FLT3: variants seen among roughly 807,000 people sequenced by gnomAD.
FLT3 encodes receptor-type tyrosine-protein kinase FLT3.
A neutral mutation model predicts 126.6 loss-of-function variants in FLT3; 46 were observed. That is an observed-to-expected ratio of 0.36 (90% CI 0.29 to 0.46). FLT3 has a LOEUF of 0.46. FLT3 is among the 20% of genes least tolerant of loss of function. The pLI is 1.00. For missense variants in FLT3, 1,069 were observed against 1,190.3 expected (o/e 0.90, Z 1.50); for synonymous variants, 404 against 434.4 (o/e 0.93, Z 0.87).
intron 4 of FLT3, among the ~76,000 whole-genome samples, chr13:28,054,126 A>G (rs554978763): frequency 1.3e-5 from 2 of 152,204 alleles, no homozygotes; most frequent in South Asian, 4.1e-4. Context: ...GCTGGTCTAC[A>G]TGGTATGAGC....
intron 15 of FLT3, among the ~76,000 whole-genome samples, chr13:28,028,712 A>T (rs933388676): frequency 6.6e-6 from 1 of 152,006 alleles, no homozygotes. Flanking sequence ...TAAATAAATA[A>T]ATAAACAAAC....
At chr13:28,094,487 A>G (rs1360117250) in intron 1 of FLT3, among the ~76,000 whole-genome samples, 1 of 152,052 alleles carries the variant, frequency 6.6e-6, no homozygotes, top group Admixed American at 6.6e-5. Context: ...TGCACTTTAT[A>G]TATTTTTTTC....
chr13:28,076,976 GAGGA>G (rs1259863642), intron 1 of FLT3, among the ~76,000 whole-genome samples: 7 of 121,870 alleles, frequency 5.7e-5, no homozygotes, highest in South Asian at 3.2e-4. Flanking sequence ...GGAAGGGAGG[GAGGA>G]AGGGAGGGAA....
At chr13:28,068,523 A>G (rs1045584309) in intron 2 of FLT3, among the ~76,000 whole-genome samples, 2 of 150,612 alleles carry the variant, frequency 1.3e-5, no homozygotes, top group Non-Finnish European at 3.0e-5. Flanking sequence ...AAAATCTATG[A>G]TATATATCAT....
chr13:28,050,362 C>G, intron 5 of FLT3, 140 bp from the exon 6 acceptor site: 1 of 751,474 alleles, frequency 1.3e-6, no homozygotes, highest in Non-Finnish European at 2.1e-6. Flanking sequence ...AAGCCCATAT[C>G]TATGGTTTCA....
chr13:28,100,358 G>A lies in FLT3; in HGVS notation c.43+110C>T. On this transcript the variant is annotated intron_variant, in intron 1 of 23. Coordinates refer to ENST00000241453, the MANE Select transcript of FLT3 (RefSeq NM_004119.3). This position sits in a 1 kb window ranked among gnomAD's most constrained non-coding sequence, Gnocchi z 4.8. Reference sequence around the variant, plus strand: ...GCGGGAGGCAATGGAAGGAGCGAGCGCGGGGAGGAGCGAGGCGGCTGGGCC... The same window carrying A: ...GCGGGAGGCAATGGAAGGAGCGAGCACGGGGAGGAGCGAGGCGGCTGGGCC... 1.4e-6 allele frequency: 1 copy of A among 731,910 alleles called. No homozygotes were observed. Among genetic ancestry groups the A allele is most frequent in the Middle Eastern group, 4.7e-4 (1 of 2,132 alleles). 45.3% of individuals were successfully genotyped at this position (731,910 alleles called of 1,614,324 possible).
At chr13:28,097,769 GT>G (rs546947481) in intron 1 of FLT3, among the ~76,000 whole-genome samples, 1 of 152,174 alleles carries the variant, frequency 6.6e-6, no homozygotes, top group Non-Finnish European at 1.5e-5. Context: ...TGGGCTAGGA[GT>G]TTCCAAGAAG....
intron 15 of FLT3, among the ~76,000 whole-genome samples, chr13:28,028,967 A>T (rs1025219121): frequency 3.4e-5 from 5 of 145,958 alleles, no homozygotes; most frequent in Non-Finnish European, 7.7e-5. Context: ...TTTTTTGTAG[A>T]GATGGGGTCT....
intron 15 of FLT3, among the ~76,000 whole-genome samples, chr13:28,031,863 C>T (rs1420644590): frequency 6.6e-6 from 1 of 152,158 alleles, no homozygotes. Context: ...GCCATTTGAT[C>T]TGCTTAGCCT....
At chr13:28,082,100 C>T (rs768598529) in intron 1 of FLT3, among the ~76,000 whole-genome samples, 2 of 151,574 alleles carry the variant, frequency 1.3e-5, no homozygotes, top group Non-Finnish European at 2.9e-5. Context: ...AGGTGATCTG[C>T]CTGCCTCACC....
intron 9 of FLT3, among the ~76,000 whole-genome samples, chr13:28,045,892 CT>C (rs1874814513): frequency 7.4e-6 from 1 of 134,474 alleles, no homozygotes; most frequent in African/African-American, 2.7e-5. Context: ...TGAATAACAG[CT>C]TACGATGACT....
At chr13:28,062,743 C>CAGAAAAAAAA (rs1876682286) in intron 2 of FLT3, among the ~76,000 whole-genome samples, 1 of 89,996 alleles carries the variant, frequency 1.1e-5, no homozygotes, top group Non-Finnish European at 2.0e-5. Context: ...AACTCTGTCT[C>CAGAAAAAAAA]AAAAAAAAAA....
intron 3 of FLT3, among the ~76,000 whole-genome samples, chr13:28,060,696 T>G (rs949140977): frequency 7.9e-5 from 12 of 151,984 alleles, no homozygotes; most frequent in Admixed American, 6.6e-4. Flanking sequence ...CATCCCCCTC[T>G]GGGCTTCAAG....
At chr13:28,073,510 CTA>C (rs1877709900) in intron 1 of FLT3, 1 of 212,096 alleles carries the variant, frequency 4.7e-6, no homozygotes, top group Admixed American at 5.3e-5. Flanking sequence ...TGTTTTCTCT[CTA>C]GTCTTTAAAA....
At chr13:28,085,970 A>C (rs780941538) in intron 1 of FLT3, among the ~76,000 whole-genome samples, 1 of 152,194 alleles carries the variant, frequency 6.6e-6, no homozygotes, top group Non-Finnish European at 1.5e-5. Context: ...ACATTAAAAA[A>C]ATATCCAGGA....
intron 2 of FLT3, among the ~76,000 whole-genome samples, chr13:28,064,371 G>A (rs60015913): frequency 0.021 from 3,193 of 152,062 alleles, 96 homozygotes; most frequent in African/African-American, 0.071. Flanking sequence ...TCAGGAGTTC[G>A]AGACCAGCCT....
rs73154834 is a variant in FLT3, at chr13:28,054,853, C to T, written c.485-2179G>A. 8.6e-3 allele frequency among the ~76,000 whole-genome samples: 1,317 copies of T among 152,258 alleles called. 23 individuals are homozygous for T. Among genetic ancestry groups the T allele is most frequent in the African/African-American group, 0.029 (1,209 of 41,552 alleles). ...TAAAGTGCCTAAGTTTATCTTTTAA[C>T]ATGTTTCTTGACCATTTAGGTTTCA... On this transcript the variant is annotated intron_variant, in intron 4 of 23. Transcript: ENST00000241453.
chr13:28,022,368 C>T (rs1192472098), intron 19 of FLT3, among the ~76,000 whole-genome samples: 1 of 151,898 alleles, frequency 6.6e-6, no homozygotes, highest in Non-Finnish European at 1.5e-5. Context: ...AAAAATTAGC[C>T]AGGCATGCTG....
chr13:28,054,825 C>G (rs1344910745), intron 4 of FLT3, among the ~76,000 whole-genome samples: 3 of 152,296 alleles, frequency 2.0e-5, no homozygotes, highest in African/African-American at 7.2e-5. Flanking sequence ...CTCTTTACAA[C>G]TTTAAAGTGC....
Sources: allele counts gnomAD v4.1 joint callset (sites outside exome capture counted in the v4.1 genomes callset), GRCh38; gene constraint gnomAD v4.1.1; non-coding constraint Gnocchi (gnomAD v3.1); transcripts MANE v1.5; gene names NCBI Gene and HGNC (gene_info 2026-07-23, HGNC 2026-07-21).